The following XPO6 variants were observed in gnomAD, a reference collection of about 807,000 sequenced individuals.
The protein encoded by XPO6 is exportin-6.
A neutral mutation model predicts 130.0 loss-of-function variants in XPO6; 3 were observed. That is an observed-to-expected ratio of 0.02 (90% confidence interval 0.01 to 0.06). XPO6 has a LOEUF of 0.06. Among genes scored for constraint, XPO6 ranks in the 10% least tolerant of loss-of-function variants. The pLI is 1.00. For synonymous variants in XPO6, 524 were observed against 548.9 expected (o/e 0.95, Z 0.63); for missense variants, 970 against 1,393.0 (o/e 0.70, Z 4.83).
intron 1 of XPO6, among the ~76,000 whole-genome samples, chr16:28,207,615 C>G (rs541359846): frequency 1.3e-5 from 2 of 152,298 alleles, no homozygotes; most frequent in African/African-American, 4.8e-5. Context: ...TATGCTCCAC[C>G]ACTATCTATC....
In XPO6 at chr16:28,111,972, A is replaced by G. The variant is rs1037316841; in HGVS notation, c.2186T>C (p.Ile729Thr). ...AAGGTTTGGCCACGGAAGCAGCAAG[A>G]TGTTAGAGAGGGCTCGGCACACCAA... ...QVLVCRALSN[I>T]LLLPWPNLPE... Residue 729 changes from isoleucine (I) to threonine (T), a missense_variant, in exon 17 of 24, where the codon ATC becomes ACC. Ile to Thr is a moderately conservative substitution (Grantham distance 89). Transcript: ENST00000304658. 2 of 1,613,724 alleles carry G rather than the reference A, an allele frequency of 1.2e-6. No individual in the cohort carries two copies. Among genetic ancestry groups the G allele is most frequent in the Non-Finnish European group, 1.7e-6 (2 of 1,179,866 alleles).
chr16:28,205,941 G>C (rs1258486821), intron 1 of XPO6, among the ~76,000 whole-genome samples: 1 of 150,818 alleles, frequency 6.6e-6, no homozygotes, highest in Admixed American at 6.7e-5. Context: ...GGGAGGCTGA[G>C]GCAGGAGAAT....
chr16:28,162,501 G>C (rs1055721151), intron 6 of XPO6, among the ~76,000 whole-genome samples: 1 of 151,940 alleles, frequency 6.6e-6, no homozygotes, highest in African/African-American at 2.4e-5. Context: ...GAGCTGTGTA[G>C]ACAACTCTGG....
At chr16:28,187,208 T>C (rs963225796) in intron 1 of XPO6, among the ~76,000 whole-genome samples, 3 of 152,242 alleles carry the variant, frequency 2.0e-5, no homozygotes, top group Admixed American at 2.0e-4. Flanking sequence ...TGAACACTCA[T>C]GGTCTCATAA....
rs1414315564 is a variant in XPO6, at chr16:28,211,463, G to C, written c.-95C>G. ...CAGGTCATGGTCCCGGCAGACTCGG[G>C]AAGTCCCCCACCCATGCAAAGACAA... On this transcript the variant is annotated 5_prime_UTR_variant, in exon 1 of 24. Transcript: ENST00000304658. The C allele has an allele frequency of 1.6e-6, 2 of 1,275,962 alleles. No homozygotes were observed. Among genetic ancestry groups the C allele is most frequent in the Non-Finnish European group, 2.0e-6 (2 of 997,196 alleles). 79.0% of individuals were successfully genotyped at this position (1,275,962 alleles called of 1,614,324 possible).
chr16:28,169,590 G>A (rs1017258946), intron 5 of XPO6, among the ~76,000 whole-genome samples, 160 bp downstream of exon 5: 2 of 152,204 alleles, frequency 1.3e-5, no homozygotes, highest in Non-Finnish European at 2.9e-5. Context: ...GTCCTACTGT[G>A]TGCTAGACCC....
intron 1 of XPO6, among the ~76,000 whole-genome samples, chr16:28,198,323 G>A (rs1250734705): frequency 9.8e-6 from 1 of 101,856 alleles, no homozygotes; most frequent in Non-Finnish European, 2.5e-5. Context: ...TGAATCCAAT[G>A]GTGGTAATTT....
At chr16:28,122,182 A>C (rs1474378382) in intron 13 of XPO6, among the ~76,000 whole-genome samples, 1 of 152,132 alleles carries the variant, frequency 6.6e-6, no homozygotes, top group Non-Finnish European at 1.5e-5. Flanking sequence ...AAGTGTCACC[A>C]AAATATGCTT....
intron 12 of XPO6, among the ~76,000 whole-genome samples, chr16:28,131,107 C>T (rs1237455542): frequency 6.6e-6 from 1 of 152,206 alleles, no homozygotes; most frequent in Non-Finnish European, 1.5e-5. Context: ...GGTGACAGCA[C>T]ATTTTATAAG....
Position 28,107,564 on chromosome 16 carries a change from G to T in XPO6, c.2455C>A (p.Gln819Lys). 6.2e-7 allele frequency: 1 copy of T among 1,614,208 alleles called. No individual in the cohort carries two copies. The highest frequency in any genetic ancestry group is 1.1e-5 in the South Asian group (1 of 91,074). The change falls in exon 18 of 24, where the codon CAG (glutamine) becomes AAG (lysine). Residue 819 changes from glutamine to lysine, a missense_variant. By Grantham distance (53) the Gln-to-Lys change is moderately conservative (BLOSUM62 1). Transcript: ENST00000304658. ...ICYQSLQESV[Q>K]VSLALFPAFI... is the part of the protein sequence containing the mutation. ...GCTGGAAAGAGGGCCAGGGAGACCT[G>T]AACAGATTCCTGCAGCGACTGGTAG...
At position 28,111,976 on chromosome 16, in the gene XPO6, T is replaced by C. The variant is rs545398747; in HGVS notation, c.2182A>G (p.Asn728Asp). 1 of 1,613,516 alleles carries C rather than the reference T, an allele frequency of 6.2e-7. No homozygotes were observed. The highest frequency in any genetic ancestry group is 2.2e-5 in the East Asian group (1 of 44,860). The change falls in exon 17 of 24, where the codon AAC (asparagine) becomes GAC (aspartate). Residue 728 changes from asparagine (N) to aspartate (D), a missense_variant. Physicochemically the swap from Asn to Asp is conservative, Grantham distance 23. This residue lies in a region of XPO6 where 936 missense variants were observed against 1,306.8 expected (regional missense o/e 0.72). Coordinates refer to ENST00000304658, the MANE Select transcript of XPO6 (RefSeq NM_015171.4). The stretch of plus-strand genomic sequence containing the variant: ...TTTGGCCACGGAAGCAGCAAGATGT[T>C]AGAGAGGGCTCGGCACACCAACACC... ...AQVLVCRALSNILLLPWPNLP... is the reference protein window; with the variant it reads ...AQVLVCRALSDILLLPWPNLP...
chr16:28,131,068 T>G (rs1488101020), intron 12 of XPO6, among the ~76,000 whole-genome samples: 1 of 152,222 alleles, frequency 6.6e-6, no homozygotes, highest in Non-Finnish European at 1.5e-5. Flanking sequence ...TCTGTAGCAC[T>G]TCTACACAGC....
At chr16:28,188,741 A>G (rs1212191868) in intron 1 of XPO6, among the ~76,000 whole-genome samples, 1 of 150,536 alleles carries the variant, frequency 6.6e-6, no homozygotes, top group Non-Finnish European at 1.5e-5. Context: ...GCACACAAGT[A>G]TGAGATGAAA....
intron 9 of XPO6, among the ~76,000 whole-genome samples, chr16:28,136,988 G>C (rs1390350871): frequency 6.6e-6 from 1 of 152,252 alleles, no homozygotes; most frequent in Non-Finnish European, 1.5e-5. Flanking sequence ...AGACTGGAAG[G>C]CAGAAGGGAC....
chr16:28,108,592 CAG>C (rs2086839084), intron 17 of XPO6, among the ~76,000 whole-genome samples: 1 of 152,226 alleles, frequency 6.6e-6, no homozygotes, highest in Non-Finnish European at 1.5e-5. Flanking sequence ...TCTTAAGATG[CAG>C]AGTTTCCCAC....
intron 6 of XPO6, among the ~76,000 whole-genome samples, chr16:28,160,275 G>A (rs566761260): frequency 2.1e-4 from 31 of 150,024 alleles, no homozygotes; most frequent in African/African-American, 4.2e-4. Flanking sequence ...AGGCTGAAGC[G>A]GATAAATCAC....
chr16:28,178,948 T>A (rs1239913717), intron 2 of XPO6: 1 of 151,638 alleles, frequency 6.6e-6, no homozygotes, highest in East Asian at 1.9e-4. Context: ...GTGCCTCTAG[T>A]CCCAGCTACT....
At chr16:28,184,796 A>C (rs531828753) in intron 1 of XPO6, among the ~76,000 whole-genome samples, 2 of 152,240 alleles carry the variant, frequency 1.3e-5, no homozygotes, top group African/African-American at 2.4e-5. Context: ...ATAAGTGTTG[A>C]TGAGGAGGCT....
chr16:28,158,486 T>A (rs1252274534), intron 6 of XPO6, among the ~76,000 whole-genome samples: 5 of 152,244 alleles, frequency 3.3e-5, no homozygotes, highest in Non-Finnish European at 5.9e-5. Context: ...TATAGTTATT[T>A]TTTATTAAAG....
Sources: gnomAD v4.1 joint callset for allele counts (sites outside exome capture counted in the v4.1 genomes callset) on GRCh38, gnomAD v4.1.1 for gene constraint, gnomAD v4.1.1 regional missense constraint, MANE v1.5 for transcripts, NCBI Gene and HGNC (gene_info 2026-07-23, HGNC 2026-07-21) for gene names.